ERICH1: variants seen among roughly 807,000 people sequenced by gnomAD.
ERICH1 encodes the protein glutamate rich 1.
Under a neutral mutation model 39.6 loss-of-function variants are expected in ERICH1, and 56 were observed. The observed-to-expected ratio is 1.41, with a 90% CI of 1.14 to 1.77. The LOEUF (loss-of-function observed/expected upper bound fraction) is 1.77. ERICH1 is among the 40% of genes most tolerant of loss of function. ERICH1 has a pLI of 0.00. For synonymous variants in ERICH1, 313 were observed against 223.6 expected, an observed-to-expected ratio of 1.40 and a Z score of -3.57; for missense variants, 826 against 575.4, an observed-to-expected ratio of 1.44 and a Z score of -4.45.
intron 2 of ERICH1, among the ~76,000 whole-genome samples, chr8:705,704 A>C (rs1813116569): frequency 6.6e-6 from 1 of 152,148 alleles, no homozygotes; most frequent in South Asian, 2.1e-4. Flanking sequence ...ACAACAACAA[A>C]AGGAAGCAAA....
chr8:626,994 G>A (rs1407667028), intron 3 of ERICH1: 3 of 409,656 alleles, frequency 7.3e-6, no homozygotes, highest in South Asian at 1.8e-5. Flanking sequence ...AGCTTGGCCT[G>A]GTACTCACCA....
chr8:716,494 A>G (rs1816036844), intron 1 of ERICH1, among the ~76,000 whole-genome samples: 2 of 152,224 alleles, frequency 1.3e-5, no homozygotes, highest in African/African-American at 2.4e-5. Context: ...CTGGGAACCC[A>G]CGGTCTGCAC....
chr8:641,748 C>G (rs1799013607), intron 3 of ERICH1, among the ~76,000 whole-genome samples: 1 of 152,204 alleles, frequency 6.6e-6, no homozygotes, highest in South Asian at 2.1e-4. Context: ...CCTCTCCTGT[C>G]TGCGTTTTCC....
chr8:621,413 T>G (rs1797273040), intron 3 of ERICH1, among the ~76,000 whole-genome samples: 1 of 152,098 alleles, frequency 6.6e-6, no homozygotes, highest in Admixed American at 6.5e-5. Flanking sequence ...GTTAATTAGC[T>G]TGATATAACC....
In ERICH1 at chr8:673,661, C is replaced by A. The variant is rs757444328; in HGVS notation, c.691G>T (p.Glu231Ter). Residue 231 changes from glutamate (E) to a stop codon, truncating the protein, a stop_gained, in exon 4 of 6, where the codon GAG becomes TAG. Coordinates refer to ENST00000262109, the MANE Select transcript of ERICH1 (RefSeq NM_207332.3). LOFTEE classifies it high-confidence loss of function. ...TCGCTAGCGTCCGCACCATCTTCCT[C>A]CCTGGTATCTTTAACGTCTTCCTCC... ...AGEEDVKDTR[E>*]EDGADASEED... The A allele has an allele frequency of 2.5e-6, 4 of 1,612,814 alleles. No homozygotes were observed. The highest frequency in any genetic ancestry group is 3.4e-6 in the Non-Finnish European group (4 of 1,179,468).
At chr8:706,191 G>A (rs1041523010) in intron 2 of ERICH1, among the ~76,000 whole-genome samples, 43 of 152,190 alleles carry the variant, frequency 2.8e-4, no homozygotes, top group Non-Finnish European at 1.2e-4. Context: ...CCTTTGGAAT[G>A]TATTACCGTT....
At chr8:724,021 G>A (rs1817970416) in intron 1 of ERICH1, among the ~76,000 whole-genome samples, 1 of 152,212 alleles carries the variant, frequency 6.6e-6, no homozygotes, top group Non-Finnish European at 1.5e-5. Context: ...TACTTAAGCA[G>A]AAGTGGGCAA....
intron 3 of ERICH1, among the ~76,000 whole-genome samples, chr8:687,226 C>T (rs191500232): frequency 3.0e-4 from 46 of 152,300 alleles, no homozygotes; most frequent in African/African-American, 1.1e-3. Flanking sequence ...GACTCTGTAG[C>T]TGGATCTGAG....
In ERICH1 at chr8:708,681, GTTTTTTTTT is replaced by G. The variant is rs139731216; in HGVS notation, c.169+7171_169+7179del. Among the ~76,000 whole-genome samples the G allele has an allele frequency of 6.0e-3, 396 of 65,758 alleles. 3 individuals are homozygous for G. Among genetic ancestry groups the G allele is most frequent in the African/African-American group, 0.02 (342 of 17,526 alleles). The allele number at this position is 65,758 out of a possible 152,430, so 43.1% of individuals were successfully genotyped here. A position where few individuals can be genotyped will look rare whatever the true frequency, so the allele number is the denominator to read the frequency against. On this transcript the variant is annotated intron_variant, in intron 2 of 5. Transcript: ENST00000262109. Reference sequence around the variant, plus strand: ...GGGCTGAGTGGTTACGGGATAATGAGTTTTTTTTTTTTTTTTTTTTTTTTTTTTTTGAGA... The same window carrying G: ...GGGCTGAGTGGTTACGGGATAATGAGTTTTTTTTTTTTTTTTTTTTTGAGA...
chr8:726,247 G>C (rs1405194463), intron 1 of ERICH1, among the ~76,000 whole-genome samples: 2 of 152,178 alleles, frequency 1.3e-5, no homozygotes, highest in African/African-American at 4.8e-5. Flanking sequence ...CAAGTTGCAG[G>C]GTACAGCTGG....
chr8:688,508 C>A (rs1808173648), intron 3 of ERICH1, among the ~76,000 whole-genome samples: 1 of 151,968 alleles, frequency 6.6e-6, no homozygotes, highest in African/African-American at 2.4e-5. Flanking sequence ...CCACGGCCCT[C>A]CTGGCGCTCT....
chr8:707,257 G>C (rs1289697116), intron 2 of ERICH1, among the ~76,000 whole-genome samples: 1 of 149,954 alleles, frequency 6.7e-6, no homozygotes, highest in African/African-American at 2.5e-5. Context: ...ACCCAGGCTG[G>C]AGTGCAATGA....
At chr8:627,560 T>C (rs921362145) in intron 3 of ERICH1, among the ~76,000 whole-genome samples, 1 of 152,164 alleles carries the variant, frequency 6.6e-6, no homozygotes, top group Admixed American at 6.5e-5. Context: ...CCCAGAACCA[T>C]GTGGCCAGGG....
intron 3 of ERICH1, among the ~76,000 whole-genome samples, chr8:632,017 C>CT (rs200282294): frequency 0.016 from 2,378 of 152,234 alleles, 55 homozygotes; most frequent in African/African-American, 0.054. Flanking sequence ...ACTCCCAAAG[C>CT]ACCACAGCCG....
chr8:615,567 C>T (rs1796861385), intron 3 of ERICH1: 3 of 349,906 alleles, frequency 8.6e-6, no homozygotes, highest in Non-Finnish European at 1.0e-5. Context: ...GCTGCAGCTG[C>T]AGACAGCTAT....
At chr8:729,195 G>A (rs990914387) in intron 1 of ERICH1, among the ~76,000 whole-genome samples, 5 of 152,244 alleles carry the variant, frequency 3.3e-5, no homozygotes, top group South Asian at 2.1e-4. Context: ...AACATCCGGC[G>A]GTGAATAAAC....
In ERICH1 at chr8:702,999, C is replaced by T. The variant is rs552630810; in HGVS notation, c.170-10387G>A. Reference sequence around the variant, plus strand: ...GGAGGCCCAGAACTGCCCACACCACCCAGGCAGGCAGCAAGTCTGCAACAA... The same window carrying T: ...GGAGGCCCAGAACTGCCCACACCACTCAGGCAGGCAGCAAGTCTGCAACAA... On this transcript the variant is annotated intron_variant, in intron 2 of 5. Transcript: ENST00000262109. Among the ~76,000 whole-genome samples, 377 of 152,326 alleles carry T rather than the reference C, an allele frequency of 2.5e-3. 2 individuals carry two copies. The highest frequency in any genetic ancestry group is 4.4e-3 in the Admixed American group (67 of 15,306).
intron 5 of ERICH1, chr8:666,398 A>C (rs1802243331): frequency 6.6e-6 from 1 of 152,236 alleles, no homozygotes; most frequent in African/African-American, 2.4e-5. Flanking sequence ...TGATTATGGA[A>C]ATCTAAGTTT....
chr8:721,068 C>T (rs746474176), intron 1 of ERICH1, among the ~76,000 whole-genome samples: 4 of 152,192 alleles, frequency 2.6e-5, no homozygotes, highest in Non-Finnish European at 5.9e-5. Flanking sequence ...GGCACAAAAA[C>T]AGATGATCTC....
Sources: allele counts gnomAD v4.1 joint callset (sites outside exome capture counted in the v4.1 genomes callset), GRCh38; gene constraint gnomAD v4.1.1; transcripts MANE v1.5; gene names NCBI Gene and HGNC (gene_info 2026-07-23, HGNC 2026-07-21).